Variants in STK4 observed in about 807,000 individuals in gnomAD.
STK4 encodes serine/threonine-protein kinase 4.
In STK4, 30 loss-of-function variants were observed where a neutral mutation model predicts 64.9. That is an observed-to-expected ratio of 0.46 (90% CI 0.35 to 0.63). STK4 has a LOEUF of 0.63. Among genes scored for constraint, STK4 ranks in the 20% least tolerant of loss-of-function variants. STK4 has a pLI of 0.01. For missense variants in STK4, 466 were observed against 598.5 expected, an observed-to-expected ratio of 0.78 and a Z score of 2.31; for synonymous variants, 177 against 199.0, an observed-to-expected ratio of 0.89 and a Z score of 0.93.
intron 9 of STK4, among the ~76,000 whole-genome samples, chr20:45,021,900 T>A (rs1485826468): frequency 6.6e-6 from 1 of 152,196 alleles, no homozygotes; most frequent in Non-Finnish European, 1.5e-5. Flanking sequence ...TACTGCCAAG[T>A]CATAAAATCA....
intron 10 of STK4, among the ~76,000 whole-genome samples, chr20:45,062,634 T>G (rs1979138144): frequency 6.6e-6 from 1 of 152,218 alleles, no homozygotes; most frequent in African/African-American, 2.4e-5. Context: ...CTGACTGATG[T>G]GAGACGATAA....
At chr20:44,975,313 C>G (rs2067320578) in intron 2 of STK4, 1 of 979,070 alleles carries the variant, frequency 1.0e-6, no homozygotes, top group Non-Finnish European at 1.2e-6. Context: ...ACCCCCTATC[C>G]CTGCCTTCAG....
intron 10 of STK4, among the ~76,000 whole-genome samples, chr20:45,063,353 A>G (rs919895230): frequency 6.6e-6 from 1 of 152,064 alleles, no homozygotes; most frequent in Non-Finnish European, 1.5e-5. Flanking sequence ...GATGTTGAGC[A>G]CTTTGAATAT....
At chr20:45,036,591 T>A (rs1231177556) in intron 10 of STK4, among the ~76,000 whole-genome samples, 1 of 152,128 alleles carries the variant, frequency 6.6e-6, no homozygotes, top group African/African-American at 2.4e-5. Context: ...TGAAAGTTCT[T>A]GACCAAAAAT....
In STK4 at chr20:45,075,299, C is replaced by A; in HGVS notation, c.*123C>A. 7.7e-7 allele frequency: 1 copy of A among 1,305,698 alleles called. No individual in the cohort carries two copies. The highest frequency in any genetic ancestry group is 1.0e-6 in the Non-Finnish European group (1 of 962,158). 80.9% of individuals were successfully genotyped at this position (1,305,698 alleles called of 1,614,324 possible). A position where few individuals can be genotyped will look rare whatever the true frequency, so the allele number is the denominator to read the frequency against. ...TCTCTCCACAGCACCTTTGTGAACT[C>A]AGGAATGTGCGCCAGTGGGAAGGGC... On this transcript the variant is annotated 3_prime_UTR_variant, in exon 11 of 11. Transcript: ENST00000372806.
Position 45,075,294 on chromosome 20 carries a change from G to A in STK4, c.*118G>A. 7.3e-7 allele frequency: 1 copy of A among 1,361,228 alleles called. No individual in the cohort carries two copies. Among genetic ancestry groups the A allele is most frequent in the Non-Finnish European group, 9.9e-7 (1 of 1,010,692 alleles). 84.3% of individuals were successfully genotyped at this position (1,361,228 alleles called of 1,614,324 possible). ...TGTCGTCTCTCCACAGCACCTTTGT[G>A]AACTCAGGAATGTGCGCCAGTGGGA... On this transcript the variant is annotated 3_prime_UTR_variant, in exon 11 of 11. Transcript: ENST00000372806.
chr20:44,967,329 T>C (rs2067168151), intron 1 of STK4: 1 of 730,134 alleles, frequency 1.4e-6, no homozygotes, highest in South Asian at 6.2e-5. Context: ...CCAGAGTAGT[T>C]GGGAAGTGTT....
At chr20:45,008,829 G>A (rs947674083) in intron 9 of STK4, among the ~76,000 whole-genome samples, 2 of 151,980 alleles carry the variant, frequency 1.3e-5, no homozygotes, top group African/African-American at 4.8e-5. Flanking sequence ...CCACTTGTAT[G>A]TCTTCTTTTG....
intron 9 of STK4, among the ~76,000 whole-genome samples, chr20:45,005,686 A>G (rs2067930087): frequency 6.6e-6 from 1 of 151,232 alleles, no homozygotes; most frequent in South Asian, 2.1e-4. Flanking sequence ...TAGCTACTAT[A>G]ATCATTATTT....
chr20:45,021,944 A>G (rs896081799), intron 9 of STK4, among the ~76,000 whole-genome samples: 5 of 152,236 alleles, frequency 3.3e-5, no homozygotes, highest in Non-Finnish European at 7.3e-5. Context: ...AACATTAGAT[A>G]TAATCTGGCC....
intron 2 of STK4, chr20:44,972,364 A>G (rs2067263389): frequency 2.1e-6 from 1 of 465,980 alleles, no homozygotes; most frequent in Non-Finnish European, 3.8e-6. Context: ...AAGAATATCT[A>G]TTGTTTTCTC....
At chr20:45,047,745 G>A (rs1018890580) in intron 10 of STK4, among the ~76,000 whole-genome samples, 6 of 152,196 alleles carry the variant, frequency 3.9e-5, no homozygotes, top group Non-Finnish European at 7.3e-5. Context: ...TTAGCAAAGT[G>A]CCTGGCATTC....
chr20:45,001,414 A>G, intron 9 of STK4, 61 bp downstream of exon 9: 1 of 1,537,666 alleles, frequency 6.5e-7, no homozygotes, highest in Admixed American at 1.8e-5. Flanking sequence ...CAGAGAAGAC[A>G]GATTCTCATG....
intron 10 of STK4, among the ~76,000 whole-genome samples, chr20:45,044,817 A>G (rs1279763219): frequency 6.6e-6 from 1 of 152,312 alleles, no homozygotes; most frequent in East Asian, 1.9e-4. Flanking sequence ...ACCTTGGGTG[A>G]GTCACCCTCC....
chr20:44,988,533 GTATATATATA>G (rs71197589), intron 5 of STK4, among the ~76,000 whole-genome samples: 1,581 of 101,592 alleles, frequency 0.016, 68 homozygotes, highest in African/African-American at 0.069. Flanking sequence ...ATGTGTGTGT[GTATATATATA>G]TATATATATA....
chr20:44,981,533 T>A (rs6103946), intron 3 of STK4, among the ~76,000 whole-genome samples: 9,362 of 152,210 alleles, frequency 0.062, 955 homozygotes, highest in African/African-American at 0.21. Flanking sequence ...CTTTTGTCAA[T>A]AGTGCTATGA....
At position 45,054,452 on chromosome 20, in the gene STK4, A is replaced by G. The variant is rs746294314; in HGVS notation, c.1306-20566A>G. ...GGTGGTGCCCACCTGTAGTCCTGCT[A>G]CTCAAGAGGCTGAGGCAGGAGGATC... On this transcript the variant is annotated intron_variant, in intron 10 of 10. Transcript: ENST00000372806. Among the ~76,000 whole-genome samples, 4 of 151,566 alleles carry G rather than the reference A, an allele frequency of 2.6e-5. No homozygotes were observed. The South Asian group carries it at 8.3e-4, about 31-fold the overall frequency.
At chr20:45,050,135 G>T (rs1214408791) in intron 10 of STK4, among the ~76,000 whole-genome samples, 1 of 152,204 alleles carries the variant, frequency 6.6e-6, no homozygotes, top group Non-Finnish European at 1.5e-5. Context: ...ACAGTCAGCA[G>T]TGCTCGTGCC....
chr20:45,032,406 G>A (rs1354816750), intron 10 of STK4, among the ~76,000 whole-genome samples: 3 of 151,950 alleles, frequency 2.0e-5, no homozygotes, highest in South Asian at 2.1e-4. Context: ...GTAGTTTTTC[G>A]ATCCTCACCC....
Sources: gnomAD v4.1 joint callset for allele counts (sites outside exome capture counted in the v4.1 genomes callset) on GRCh38, gnomAD v4.1.1 for gene constraint, MANE v1.5 for transcripts, NCBI Gene and HGNC (gene_info 2026-07-23, HGNC 2026-07-21) for gene names.